CFDP1: variants seen among roughly 807,000 people sequenced by gnomAD.
CFDP1 encodes chromatin remodeling protein CFDP1.
Under a neutral mutation model 40.1 loss-of-function variants are expected in CFDP1, and 31 were observed. The observed-to-expected ratio is 0.77, with a 90% CI of 0.58 to 1.04. The LOEUF (loss-of-function observed/expected upper bound fraction) is 1.04, where lower values mean the gene tolerates loss of function less well. Among genes scored for constraint, CFDP1 ranks in the 50% least tolerant of loss-of-function variants. CFDP1 has a pLI of 0.00. For missense variants in CFDP1, 423 were observed against 343.4 expected (o/e 1.23, Z -1.83); for synonymous variants, 167 against 120.0 (o/e 1.39, Z -2.56).
intron 5 of CFDP1, among the ~76,000 whole-genome samples, chr16:75,392,013 G>A (rs901303763): frequency 6.6e-6 from 1 of 152,056 alleles, no homozygotes. Context: ...CTACTGGTCT[G>A]AAGAGAACTC....
At chr16:75,393,856 A>C (rs1403425729) in intron 5 of CFDP1, among the ~76,000 whole-genome samples, 2 of 151,036 alleles carry the variant, frequency 1.3e-5, no homozygotes, top group Non-Finnish European at 2.9e-5. Context: ...TCAGGAGATC[A>C]AGACCATCCT....
rs1226525834 is a variant in CFDP1 at position 75,433,344 on chromosome 16, T to A, written c.9A>T (p.Glu3Asp). 6.3e-7 allele frequency: 1 copy of A among 1,593,894 alleles called. No individual in the cohort carries two copies. The change falls in exon 1 of 7, where the codon GAA (glutamate) becomes GAT (aspartate). Residue 3 changes from glutamate to aspartate, a missense_variant. Transcript: ENST00000283882. ME[E>D]FDSEDFSTSE... ...ACGTAGAGAAGTCTTCGGAGTCGAA[T>A]TCCTCCATGTTGCTGCCGCTCGACG...
chr16:75,430,511 C>A (rs1261895511), intron 1 of CFDP1, among the ~76,000 whole-genome samples: 2 of 151,818 alleles, frequency 1.3e-5, no homozygotes, highest in Non-Finnish European at 2.9e-5. Flanking sequence ...GTTACCCAGG[C>A]TGGAGTGCAG....
intron 4 of CFDP1, among the ~76,000 whole-genome samples, chr16:75,411,024 G>C (rs1222495495): frequency 1.3e-5 from 2 of 151,754 alleles, no homozygotes; most frequent in African/African-American, 4.8e-5. Flanking sequence ...TTCAAGACCA[G>C]CCTGGCCAAC....
intron 5 of CFDP1, among the ~76,000 whole-genome samples, chr16:75,351,101 G>A (rs2078607354): frequency 6.6e-6 from 1 of 152,128 alleles, no homozygotes; most frequent in Non-Finnish European, 1.5e-5. Flanking sequence ...TAAAATAAAT[G>A]GATATTTATA....
chr16:75,325,191 G>C (rs1356331465), intron 5 of CFDP1: 3 of 152,482 alleles, frequency 2.0e-5, no homozygotes, highest in African/African-American at 7.2e-5. Context: ...GAGGGCCCTA[G>C]TCTGCTCTGC....
chr16:75,367,067 G>A (rs2078719339), intron 5 of CFDP1, among the ~76,000 whole-genome samples: 3 of 150,498 alleles, frequency 2.0e-5, no homozygotes, highest in Admixed American at 6.7e-5. Flanking sequence ...GGGAGGCTGA[G>A]GAAGGGGAAC....
At chr16:75,359,961 G>A (rs190078286) in intron 5 of CFDP1, among the ~76,000 whole-genome samples, 3 of 152,194 alleles carry the variant, frequency 2.0e-5, no homozygotes, top group Non-Finnish European at 4.4e-5. Flanking sequence ...CAGCAGTGCA[G>A]TGGCACCTTC....
chr16:75,370,846 A>G (rs1027696854), intron 5 of CFDP1, among the ~76,000 whole-genome samples: 7 of 152,204 alleles, frequency 4.6e-5, no homozygotes, highest in Non-Finnish European at 1.0e-4. Context: ...TGGGTGACAG[A>G]GCAAGACTGT....
chr16:75,415,632 G>A (rs1365850088), intron 1 of CFDP1, among the ~76,000 whole-genome samples: 1 of 152,200 alleles, frequency 6.6e-6, no homozygotes, highest in East Asian at 1.9e-4. Flanking sequence ...GTACTCTTCT[G>A]TGTCTGGCTT....
intron 6 of CFDP1, among the ~76,000 whole-genome samples, chr16:75,303,068 C>T (rs867525759): frequency 3.3e-5 from 5 of 151,556 alleles, no homozygotes; most frequent in South Asian, 2.1e-4. Context: ...GGCGTGTAGG[C>T]GCGCGCCTGT....
intron 5 of CFDP1, among the ~76,000 whole-genome samples, chr16:75,305,654 G>A (rs2078251826): frequency 6.6e-6 from 1 of 152,166 alleles, no homozygotes; most frequent in South Asian, 2.1e-4. Context: ...ACAGCACTTG[G>A]CACAGCGTCA....
At chr16:75,392,514 T>C (rs765320124) in intron 5 of CFDP1, among the ~76,000 whole-genome samples, 23 of 152,266 alleles carry the variant, frequency 1.5e-4, no homozygotes, top group African/African-American at 2.2e-4. Flanking sequence ...CTTTATTCTT[T>C]TGAGACAAGG....
intron 5 of CFDP1, among the ~76,000 whole-genome samples, chr16:75,357,116 T>TTGGCGAGGC (rs2078649907): frequency 6.6e-6 from 1 of 152,082 alleles, no homozygotes; most frequent in Non-Finnish European, 1.5e-5. Context: ...TTTTGCCATG[T>TTGGCGAGGC]TGGCGAGGCT....
rs538931846 is a variant in CFDP1, at chr16:75,419,961, G to A, written c.65-5266C>T. On this transcript the variant is annotated intron_variant, in intron 1 of 6. Transcript: ENST00000283882. ...TTACTTTTCTGTATGGATTTCCCTCGAATTCTTTCTTGTTCGAGATCCAAG... is the reference window on the plus strand; with the variant it reads ...TTACTTTTCTGTATGGATTTCCCTCAAATTCTTTCTTGTTCGAGATCCAAG... 5.9e-5 allele frequency among the ~76,000 whole-genome samples: 9 copies of A among 151,592 alleles called. 1 individual carries two copies. The South Asian group carries it at 1.5e-3, about 25-fold the overall frequency.
At chr16:75,398,265 C>T (rs2079014877) in intron 4 of CFDP1, among the ~76,000 whole-genome samples, 1 of 152,234 alleles carries the variant, frequency 6.6e-6, no homozygotes, top group Non-Finnish European at 1.5e-5. Flanking sequence ...GGTTGCGTTA[C>T]TTATTCAAGG....
At chr16:75,403,221 A>G (rs1367552154) in intron 4 of CFDP1, among the ~76,000 whole-genome samples, 1 of 152,064 alleles carries the variant, frequency 6.6e-6, no homozygotes, top group Non-Finnish European at 1.5e-5. Flanking sequence ...TTGACCGAAA[A>G]TTTATGACTT....
intron 5 of CFDP1, among the ~76,000 whole-genome samples, chr16:75,360,660 C>A (rs748707048): frequency 3.5e-4 from 54 of 152,278 alleles, no homozygotes; most frequent in Non-Finnish European, 5.6e-4. Flanking sequence ...ATCAAGATAA[C>A]TGGAAATTTG....
intron 5 of CFDP1, among the ~76,000 whole-genome samples, chr16:75,377,003 G>C (rs186860673): frequency 9.5e-4 from 144 of 152,338 alleles, no homozygotes; most frequent in African/African-American, 3.2e-3. Flanking sequence ...ACCCTGCTCT[G>C]CAGGAGCAGT....
Sources: allele counts gnomAD v4.1 joint callset (sites outside exome capture counted in the v4.1 genomes callset), GRCh38; gene constraint gnomAD v4.1.1; transcripts MANE v1.5; gene names NCBI Gene and HGNC (gene_info 2026-07-23, HGNC 2026-07-21).